THSD7B: variants seen among roughly 807,000 people sequenced by gnomAD.
The protein encoded by THSD7B is thrombospondin type-1 domain-containing protein 7B.
A neutral mutation model predicts 213.6 loss-of-function variants in THSD7B; 138 were observed. The ratio of observed to expected loss-of-function variants is 0.65; its 90% CI spans 0.56 to 0.74. The LOEUF is 0.74. Among genes scored for constraint, THSD7B ranks in the 30% least tolerant of loss-of-function variants. The probability of loss-of-function intolerance (pLI) is 0.00; values close to 1 mark genes in which losing one functional copy is unlikely to be tolerated. For synonymous variants in THSD7B, 742 were observed against 687.0 expected (o/e 1.08, Z -1.25); for missense variants, 1,931 against 1,991.5 (o/e 0.97, Z 0.58).
chr2:137,544,877 A>G (rs921247), intron 15 of THSD7B, among the ~76,000 whole-genome samples: 10,917 of 151,842 alleles, frequency 0.072, 441 homozygotes, highest in African/African-American at 0.085. Flanking sequence ...GTAGAATTGT[A>G]CATGCCTCCT....
chr2:137,309,309 C>T (rs1026728367), intron 12 of THSD7B, among the ~76,000 whole-genome samples: 2 of 151,578 alleles, frequency 1.3e-5, no homozygotes, highest in African/African-American at 4.8e-5. Flanking sequence ...TATTTTTATA[C>T]TGGCTGTTTG....
chr2:137,102,100 C>T (rs1573823671), intron 4 of THSD7B, among the ~76,000 whole-genome samples: 1 of 152,344 alleles, frequency 6.6e-6, no homozygotes, highest in East Asian at 1.9e-4. Context: ...GACTTGGAGA[C>T]ACCTCCCTGC....
At chr2:137,386,552 C>T (rs1487044118) in intron 12 of THSD7B, among the ~76,000 whole-genome samples, 1 of 152,106 alleles carries the variant, frequency 6.6e-6, no homozygotes, top group African/African-American at 2.4e-5. Flanking sequence ...TTTTCTTTAA[C>T]TATTAGAGTT....
chr2:136,923,482 G>A (rs1445434769), intron 2 of THSD7B, among the ~76,000 whole-genome samples: 2 of 152,080 alleles, frequency 1.3e-5, no homozygotes, highest in Non-Finnish European at 1.5e-5. Context: ...TATATCTGGG[G>A]TTGTTGGATC....
intron 12 of THSD7B, among the ~76,000 whole-genome samples, chr2:137,361,197 G>T (rs960103215): frequency 1.3e-5 from 2 of 152,026 alleles, no homozygotes; most frequent in Non-Finnish European, 2.9e-5. Context: ...TCAAAAAAAA[G>T]GACATCCACA....
At chr2:137,202,808 A>G (rs1680905894) in intron 7 of THSD7B, among the ~76,000 whole-genome samples, 1 of 152,224 alleles carries the variant, frequency 6.6e-6, no homozygotes, top group African/African-American at 2.4e-5. Context: ...TGGGATCTCA[A>G]CTTCCAGATT....
Position 137,161,674 on chromosome 2 carries a change from G to A in THSD7B, c.1525+1306G>A, listed in dbSNP as rs1008825150. On this transcript the variant is annotated intron_variant, in intron 6 of 27. Coordinates refer to ENST00000409968, the MANE Select transcript of THSD7B (RefSeq NM_001316349.2). Reference sequence around the variant, plus strand: ...TGGATGTCAAAGAAGCCTGGAGAGGGCCTTGGGCAATTCTCTTATTTGACA... The same window carrying A: ...TGGATGTCAAAGAAGCCTGGAGAGGACCTTGGGCAATTCTCTTATTTGACA... Among the ~76,000 whole-genome samples the A allele has an allele frequency of 3.9e-5, 6 of 152,030 alleles. No homozygotes were observed. In the East Asian group the frequency reaches 1.2e-3, roughly 29 times the overall value.
intron 5 of THSD7B, among the ~76,000 whole-genome samples, chr2:137,122,848 G>A (rs1055435946): frequency 6.6e-6 from 1 of 151,994 alleles, no homozygotes; most frequent in Non-Finnish European, 1.5e-5. Flanking sequence ...ATCTCTTCTG[G>A]GAGTTCTTTG....
Position 137,411,711 on chromosome 2 carries a change from A to G in THSD7B, c.2798A>G (p.Asn933Ser). The G allele has an allele frequency of 6.2e-7, 1 of 1,613,990 alleles. No individual in the cohort carries two copies. The highest frequency in any genetic ancestry group is 1.1e-5 in the South Asian group (1 of 91,090). The change falls in exon 14 of 28, where the codon AAC becomes AGC. Residue 933 changes from asparagine (N) to serine (S), a missense_variant. Asn to Ser is a conservative substitution (Grantham distance 46, BLOSUM62 1). Coordinates refer to ENST00000409968, the MANE Select transcript of THSD7B (RefSeq NM_001316349.2). ...CDEFISQPYG[N>S]WSDCILPEGR... is the part of the protein sequence containing the mutation. ...GAATTTATATCCCAACCTTATGGAAACTGGTCAGATTGCATTCTTCCAGAA... is the reference window on the plus strand; with the variant it reads ...GAATTTATATCCCAACCTTATGGAAGCTGGTCAGATTGCATTCTTCCAGAA...
intron 3 of THSD7B, among the ~76,000 whole-genome samples, chr2:137,089,338 GTATA>G (rs1202037256): frequency 6.7e-6 from 1 of 148,474 alleles, no homozygotes; most frequent in Non-Finnish European, 1.5e-5. Context: ...GTGTGTATAT[GTATA>G]TATACATATA....
intron 12 of THSD7B, among the ~76,000 whole-genome samples, chr2:137,379,881 T>A (rs1685735932): frequency 6.6e-6 from 1 of 152,212 alleles, no homozygotes; most frequent in African/African-American, 2.4e-5. Context: ...CCACACCAGC[T>A]CTCTACCTGG....
chr2:137,675,887 T>C (rs1420297017), intron 27 of THSD7B, among the ~76,000 whole-genome samples: 2 of 152,180 alleles, frequency 1.3e-5, no homozygotes, highest in African/African-American at 4.8e-5. Flanking sequence ...AGAAGTGTAC[T>C]GCAGGGTGTT....
intron 1 of THSD7B, among the ~76,000 whole-genome samples, chr2:136,784,330 G>A (rs925028695): frequency 6.6e-6 from 1 of 152,120 alleles, no homozygotes; most frequent in African/African-American, 2.4e-5. Flanking sequence ...TTCTACTTGG[G>A]CTGCCTTTTA....
chr2:137,035,460 T>C (rs896550518), intron 2 of THSD7B, among the ~76,000 whole-genome samples: 1 of 152,174 alleles, frequency 6.6e-6, no homozygotes, highest in African/African-American at 2.4e-5. Flanking sequence ...AGATAAGAGA[T>C]ATGTCATAAC....
chr2:137,080,664 CTAT>C (rs1348056572), intron 3 of THSD7B, among the ~76,000 whole-genome samples: 1 of 151,996 alleles, frequency 6.6e-6, no homozygotes, highest in Non-Finnish European at 1.5e-5. Flanking sequence ...CACCTGGTAC[CTAT>C]AATTTTATTC....
rs565840163 is a variant in THSD7B at position 137,542,626 on chromosome 2, T to A, written c.3139-20595T>A. On this transcript the variant is annotated intron_variant, in intron 15 of 27. Transcript: ENST00000409968. ...ACTGCACATGGAGCATTCTCCAGGG[T>A]ATACCATATGTTCAGATTCATAACA... is the stretch of plus-strand genomic sequence containing the variant. Among the ~76,000 whole-genome samples the A allele has an allele frequency of 4.0e-5, 6 of 151,840 alleles. No homozygotes were observed. In the East Asian group the frequency reaches 1.2e-3, roughly 30 times the overall value.
intron 12 of THSD7B, among the ~76,000 whole-genome samples, chr2:137,362,573 G>A (rs190789182): frequency 9.1e-4 from 139 of 152,134 alleles, no homozygotes; most frequent in African/African-American, 2.8e-3. Context: ...AAAAAAAGCA[G>A]GGGTTGCAAT....
intron 9 of THSD7B, 113 bp from the exon 10 acceptor site, chr2:137,242,344 C>G (rs955652029): frequency 1.3e-6 from 1 of 741,884 alleles, no homozygotes. Flanking sequence ...TCTTCCCTCA[C>G]CTATTAAGGG....
intron 10 of THSD7B, among the ~76,000 whole-genome samples, chr2:137,247,078 G>A (rs1415814123): frequency 6.6e-6 from 1 of 152,148 alleles, no homozygotes; most frequent in Admixed American, 6.6e-5. Flanking sequence ...TGTTATAGGA[G>A]ACCATTGATA....
Sources: allele counts gnomAD v4.1 joint callset (sites outside exome capture counted in the v4.1 genomes callset), GRCh38; gene constraint gnomAD v4.1.1; transcripts MANE v1.5; gene names NCBI Gene and HGNC (gene_info 2026-07-23, HGNC 2026-07-21).